Variants in IL1RAP observed in about 807,000 individuals in gnomAD.
The protein encoded by IL1RAP is interleukin-1 receptor accessory protein.
In IL1RAP, 35 loss-of-function variants were observed where a neutral mutation model predicts 60.7. The observed-to-expected ratio is 0.58, with a 90% CI of 0.44 to 0.76. The LOEUF (loss-of-function observed/expected upper bound fraction) is 0.76. Ranked by LOEUF, IL1RAP falls within the 30% of genes least tolerant of loss-of-function variation. IL1RAP has a pLI of 0.00. For missense variants in IL1RAP, 572 were observed against 693.9 expected, an observed-to-expected ratio of 0.82 and a Z score of 1.97; for synonymous variants, 268 against 250.9, an observed-to-expected ratio of 1.07 and a Z score of -0.64.
At chr3:190,588,239 G>A (rs1203820277) in intron 3 of IL1RAP, among the ~76,000 whole-genome samples, 2 of 152,146 alleles carry the variant, frequency 1.3e-5, no homozygotes, top group Admixed American at 6.5e-5. Context: ...TCAGCCTCCT[G>A]AGTAGCTGGG....
rs1168045324 is a variant in IL1RAP, at chr3:190,650,914, T to G, written c.*2209T>G. 1.0e-6 allele frequency: 1 copy of G among 985,250 alleles called. No individual in the cohort carries two copies. The highest frequency in any genetic ancestry group is 1.2e-6 in the Non-Finnish European group (1 of 829,864). The allele number at this position is 985,250 out of a possible 1,614,324, so 61.0% of individuals were successfully genotyped here. A position where few individuals can be genotyped will look rare whatever the true frequency, so the allele number is the denominator to read the frequency against. On this transcript the variant is annotated 3_prime_UTR_variant, in exon 12 of 12. Coordinates refer to ENST00000447382, the MANE Select transcript of IL1RAP (RefSeq NM_002182.4). The stretch of plus-strand genomic sequence containing the variant: ...CTGCATTCCTTTTGCACTTTTGGAT[T>G]CCATATTTATCCCAAATGCTGTTGG...
chr3:190,587,843 A>G (rs894645996), intron 3 of IL1RAP, among the ~76,000 whole-genome samples: 3 of 152,228 alleles, frequency 2.0e-5, no homozygotes, highest in Admixed American at 1.3e-4. Context: ...ACTGCTGCCC[A>G]ATAGCTCTGT....
intron 3 of IL1RAP, among the ~76,000 whole-genome samples, chr3:190,582,398 C>T (rs977893480): frequency 2.0e-5 from 3 of 151,644 alleles, no homozygotes; most frequent in African/African-American, 7.3e-5. Context: ...CGGCTCACTG[C>T]AACCTCCACC....
rs1384765742 is a variant in IL1RAP at position 190,577,096 on chromosome 3, G to A, written c.64+12743G>A. On this transcript the variant is annotated intron_variant, in intron 3 of 11. Coordinates refer to ENST00000447382, the MANE Select transcript of IL1RAP (RefSeq NM_002182.4). ...CGCCTGGGCGACAGAGCGAGACTCC[G>A]TCTCAAAAAAAAAAAAAAAAAAAAA... Among the ~76,000 whole-genome samples the A allele has an allele frequency of 5.5e-4, 52 of 94,548 alleles. 1 individual carries two copies. The Admixed American group carries it at 6.2e-3, about 11-fold the overall frequency. The allele number at this position is 94,548 out of a possible 152,430, so 62.0% of individuals were successfully genotyped here.
intron 11 of IL1RAP, 30 bp downstream of exon 11, chr3:190,645,872 C>T (rs779866877): frequency 1.3e-6 from 2 of 1,588,624 alleles, no homozygotes; most frequent in Admixed American, 3.5e-5. Context: ...ACAAATGATG[C>T]TACCTTGAAA....
At chr3:190,553,860 A>T (rs1299740050) in intron 1 of IL1RAP, among the ~76,000 whole-genome samples, 2 of 151,828 alleles carry the variant, frequency 1.3e-5, no homozygotes, top group African/African-American at 4.8e-5. Flanking sequence ...GGAGATCGAG[A>T]CCATCCCGGC....
intron 1 of IL1RAP, among the ~76,000 whole-genome samples, chr3:190,531,084 C>T (rs575292909): frequency 6.6e-6 from 1 of 152,210 alleles, no homozygotes; most frequent in Admixed American, 6.5e-5. Context: ...ATGCTGTGTC[C>T]TTGTTCTAAA....
At chr3:190,654,445 A>G (rs921626419), downstream of IL1RAP, among the ~76,000 whole-genome samples, 6 of 152,114 alleles carry the variant, frequency 3.9e-5, no homozygotes, top group Non-Finnish European at 8.8e-5. Flanking sequence ...GAAGGGTTTT[A>G]ATGATAAACG....
chr3:190,536,868 T>C (rs1560148562), intron 1 of IL1RAP, among the ~76,000 whole-genome samples: 1 of 152,222 alleles, frequency 6.6e-6, no homozygotes, highest in Admixed American at 6.5e-5. Flanking sequence ...TATATACACA[T>C]ATGATTCAAT....
At chr3:190,535,191 C>A (rs922299051) in intron 1 of IL1RAP, among the ~76,000 whole-genome samples, 1 of 152,160 alleles carries the variant, frequency 6.6e-6, no homozygotes, top group East Asian at 1.9e-4. Flanking sequence ...ATCAACCCTG[C>A]GGCCTTTGTT....
chr3:190,588,407 C>T (rs370467625), intron 3 of IL1RAP, among the ~76,000 whole-genome samples: 7 of 152,218 alleles, frequency 4.6e-5, no homozygotes, highest in Admixed American at 1.3e-4. Context: ...CCACCATGCC[C>T]GGCCTACATC....
Position 190,535,544 on chromosome 3 carries a change from C to T in IL1RAP, c.-88-20586C>T, listed in dbSNP as rs11707728. Among the ~76,000 whole-genome samples the T allele has an allele frequency of 9.2e-3, 1,393 of 152,230 alleles. 10 individuals carry two copies. Among genetic ancestry groups the T allele is most frequent in the Non-Finnish European group, 0.014 (929 of 68,020 alleles). ...TCCTCCAAACAACAGCAATTAACTA[C>T]GACTTATAACTCACTCTCAGCTCCC... On this transcript the variant is annotated intron_variant, in intron 1 of 11. Coordinates refer to ENST00000447382, the MANE Select transcript of IL1RAP (RefSeq NM_002182.4).
intron 3 of IL1RAP, among the ~76,000 whole-genome samples, chr3:190,582,569 C>T (rs1045414992): frequency 2.0e-5 from 3 of 152,090 alleles, no homozygotes; most frequent in African/African-American, 7.2e-5. Flanking sequence ...CCACCCGCCT[C>T]GGCCTCCCAA....
At chr3:190,627,173 T>C in intron 7 of IL1RAP, 150 bp from the exon 8 acceptor site, 1 of 637,634 alleles carries the variant, frequency 1.6e-6, no homozygotes, top group Admixed American at 3.0e-5. Flanking sequence ...TACACATAAC[T>C]CGTAGCTTCT....
chr3:190,529,179 A>G (rs1287281042), intron 1 of IL1RAP, among the ~76,000 whole-genome samples: 1 of 152,216 alleles, frequency 6.6e-6, no homozygotes, highest in Non-Finnish European at 1.5e-5. Flanking sequence ...GCTCTTAGCC[A>G]CGGAATTTCA....
chr3:190,534,181 A>G (rs1723231355), intron 1 of IL1RAP, among the ~76,000 whole-genome samples: 1 of 152,158 alleles, frequency 6.6e-6, no homozygotes, highest in South Asian at 2.1e-4. Flanking sequence ...GGTCCTACCG[A>G]TCGGTGCTGC....
At chr3:190,605,980 A>C in intron 4 of IL1RAP, among the ~76,000 whole-genome samples, 1 of 152,164 alleles carries the variant, frequency 6.6e-6, no homozygotes, top group East Asian at 1.9e-4. Context: ...CCCTGATGGA[A>C]AACTATGACT....
Position 190,608,580 on chromosome 3 carries a change from G to A in IL1RAP, c.351-415G>A, listed in dbSNP as rs1041197562. Among the ~76,000 whole-genome samples, 5 of 152,072 alleles carry A rather than the reference G, an allele frequency of 3.3e-5. No homozygotes were observed. The East Asian group carries it at 5.8e-4, about 18-fold the overall frequency. On this transcript the variant is annotated intron_variant, in intron 4 of 11. Coordinates refer to ENST00000447382, the MANE Select transcript of IL1RAP (RefSeq NM_002182.4). ...TGTTTATACCAGCATCACCAAAAAC[G>A]TGAATAATATGTTGCCCTATGACAT... is the stretch of plus-strand genomic sequence containing the variant.
intron 11 of IL1RAP, among the ~76,000 whole-genome samples, chr3:190,647,506 C>T (rs1171911083): frequency 6.6e-6 from 1 of 152,176 alleles, no homozygotes; most frequent in Non-Finnish European, 1.5e-5. Flanking sequence ...AATAAAATTA[C>T]ATGGCATTTC....
Sources: gnomAD v4.1 joint callset for allele counts (sites outside exome capture counted in the v4.1 genomes callset) on GRCh38, gnomAD v4.1.1 for gene constraint, MANE v1.5 for transcripts, NCBI Gene and HGNC (gene_info 2026-07-23, HGNC 2026-07-21) for gene names.